The following GABRB2 variants were observed in gnomAD, a reference collection of about 807,000 sequenced individuals.
The protein encoded by GABRB2 is gamma-aminobutyric acid receptor subunit beta-2.
A neutral mutation model predicts 54.7 loss-of-function variants in GABRB2; 16 were observed. The ratio of observed to expected loss-of-function variants is 0.29; its 90% CI spans 0.20 to 0.44. GABRB2 has a LOEUF of 0.44. Ranked by LOEUF, GABRB2 falls within the 20% of genes least tolerant of loss-of-function variation. GABRB2 has a pLI of 1.00. For missense variants in GABRB2, 355 were observed against 644.0 expected, an observed-to-expected ratio of 0.55 and a Z score of 4.86; for synonymous variants, 244 against 233.8, an observed-to-expected ratio of 1.04 and a Z score of -0.40.
chr5:161,428,387 T>C (rs1757075411), intron 4 of GABRB2, among the ~76,000 whole-genome samples: 1 of 151,634 alleles, frequency 6.6e-6, no homozygotes, highest in Admixed American at 6.6e-5. Flanking sequence ...ATAGTCTTCA[T>C]GCAGAACATT....
chr5:161,393,084 A>C (rs1024489067), intron 5 of GABRB2, among the ~76,000 whole-genome samples: 1 of 151,758 alleles, frequency 6.6e-6, no homozygotes, highest in South Asian at 2.1e-4. Flanking sequence ...TCTTTTTTTT[A>C]AAAAATAAAA....
At chr5:161,326,218 T>G in intron 9 of GABRB2, 150 bp downstream of exon 9, 1 of 1,039,282 alleles carries the variant, frequency 9.6e-7, no homozygotes, top group South Asian at 2.2e-5. Context: ...CACTAAGGTC[T>G]CCTGAAAAAG....
In GABRB2 at chr5:161,403,043, C is replaced by T. The variant is rs532776692; in HGVS notation, c.541+7932G>A. On this transcript the variant is annotated intron_variant, in intron 5 of 9. Transcript: ENST00000393959. ...TTCCAAACTCAGTCAGCAAGTTCAA[C>T]GTGAGAGTGTGCCCATGGATCTGCC... Among the ~76,000 whole-genome samples, 9 of 152,250 alleles carry T rather than the reference C, an allele frequency of 5.9e-5. No homozygotes were observed. In the East Asian group the frequency reaches 1.4e-3, roughly 23 times the overall value.
At chr5:161,387,982 A>C (rs1755698700) in intron 5 of GABRB2, among the ~76,000 whole-genome samples, 1 of 152,138 alleles carries the variant, frequency 6.6e-6, no homozygotes, top group South Asian at 2.1e-4. Context: ...TGAAAGACAA[A>C]GTAAAAAAAA....
intron 5 of GABRB2, among the ~76,000 whole-genome samples, chr5:161,401,480 G>A (rs944492061): frequency 6.6e-6 from 1 of 152,066 alleles, no homozygotes; most frequent in Non-Finnish European, 1.5e-5. Context: ...ACAACCGATA[G>A]TATTTAAGGG....
At chr5:161,323,394 C>T (rs1053063613) in intron 9 of GABRB2, among the ~76,000 whole-genome samples, 3 of 152,276 alleles carry the variant, frequency 2.0e-5, no homozygotes, top group African/African-American at 4.8e-5. Flanking sequence ...TTGCCTTCCC[C>T]ATGTGGTGGT....
intron 9 of GABRB2, among the ~76,000 whole-genome samples, chr5:161,318,133 T>C (rs1445415622): frequency 6.6e-6 from 1 of 151,760 alleles, no homozygotes; most frequent in Admixed American, 6.6e-5. Flanking sequence ...GCTTTAAAAA[T>C]GTAATTAGAA....
Position 161,395,528 on chromosome 5 carries a change from GCAGA to G in GABRB2, c.541+15443_541+15446del, listed in dbSNP as rs550103619. Among the ~76,000 whole-genome samples the G allele has an allele frequency of 7.0e-3, 1,070 of 152,216 alleles. 11 individuals are homozygous for G. Among genetic ancestry groups the G allele is most frequent in the African/African-American group, 0.024 (1,017 of 41,556 alleles). ...TGGAGCTGACAGTTAGGAAAAAAAG[GCAGA>G]CATTTATTATGAAATAACACATATA... is the stretch of plus-strand genomic sequence containing the variant. On this transcript the variant is annotated intron_variant, in intron 5 of 9. Coordinates refer to ENST00000393959, the MANE Select transcript of GABRB2 (RefSeq NM_001371727.1).
intron 6 of GABRB2, among the ~76,000 whole-genome samples, chr5:161,336,325 T>C (rs892133180): frequency 5.3e-5 from 8 of 152,174 alleles, no homozygotes; most frequent in Admixed American, 4.6e-4. Flanking sequence ...TATAATGTTA[T>C]AATGTTGGGG....
chr5:161,315,931 A>T (rs1758015881), intron 9 of GABRB2, among the ~76,000 whole-genome samples: 1 of 152,184 alleles, frequency 6.6e-6, no homozygotes, highest in Non-Finnish European at 1.5e-5. Context: ...TTCCATAGAC[A>T]TTTTTCATAT....
At chr5:161,534,061 A>T (rs1760551195) in intron 3 of GABRB2, among the ~76,000 whole-genome samples, 1 of 152,198 alleles carries the variant, frequency 6.6e-6, no homozygotes, top group South Asian at 2.1e-4. Flanking sequence ...GAAAATGGTA[A>T]TTAGGCACAA....
intron 5 of GABRB2, among the ~76,000 whole-genome samples, chr5:161,353,850 T>A (rs1754541393): frequency 6.6e-6 from 1 of 151,974 alleles, no homozygotes; most frequent in Non-Finnish European, 1.5e-5. Context: ...CCTAAAGTAC[T>A]AAAAGTTATT....
intron 3 of GABRB2, among the ~76,000 whole-genome samples, chr5:161,528,158 C>A (rs1202022045): frequency 2.0e-5 from 3 of 151,642 alleles, no homozygotes; most frequent in African/African-American, 7.3e-5. Context: ...GAGATGTTCA[C>A]AAAACATTAA....
At chr5:161,382,585 C>T (rs1755501651) in intron 5 of GABRB2, among the ~76,000 whole-genome samples, 1 of 152,164 alleles carries the variant, frequency 6.6e-6, no homozygotes, top group Non-Finnish European at 1.5e-5. Context: ...CCCTGATTCC[C>T]TGTGTCTTGC....
At chr5:161,322,252 T>C (rs1315854690) in intron 9 of GABRB2, among the ~76,000 whole-genome samples, 1 of 152,188 alleles carries the variant, frequency 6.6e-6, no homozygotes, top group Non-Finnish European at 1.5e-5. Context: ...TATTATTGTT[T>C]TGAGATAGAG....
intron 9 of GABRB2, among the ~76,000 whole-genome samples, chr5:161,310,764 A>AT (rs34428930): frequency 0.37 from 51,436 of 139,050 alleles, 10,508 homozygotes; most frequent in African/African-American, 0.55. Flanking sequence ...ATGCTACAGC[A>AT]TTTTTTTTTT....
intron 4 of GABRB2, among the ~76,000 whole-genome samples, chr5:161,451,750 T>C (rs1409207378): frequency 6.6e-6 from 1 of 152,130 alleles, no homozygotes; most frequent in African/African-American, 2.4e-5. Context: ...TATACATTCA[T>C]TGTTAATTTA....
At chr5:161,516,655 T>A (rs1327270920) in intron 3 of GABRB2, among the ~76,000 whole-genome samples, 1 of 152,134 alleles carries the variant, frequency 6.6e-6, no homozygotes, top group Non-Finnish European at 1.5e-5. Context: ...AGATTTTTTT[T>A]TATTGAAAAA....
chr5:161,444,704 C>A (rs189287579), intron 4 of GABRB2, among the ~76,000 whole-genome samples: 1 of 152,106 alleles, frequency 6.6e-6, no homozygotes, highest in African/African-American at 2.4e-5. Flanking sequence ...CACAGTCTCA[C>A]TACTAATGAA....
Sources: allele counts gnomAD v4.1 joint callset (sites outside exome capture counted in the v4.1 genomes callset), GRCh38; gene constraint gnomAD v4.1.1; transcripts MANE v1.5; gene names NCBI Gene and HGNC (gene_info 2026-07-23, HGNC 2026-07-21).